Variants in DHTKD1 observed in about 807,000 individuals in gnomAD.
The protein encoded by DHTKD1 is dehydrogenase E1 and transketolase domain containing 1.
DHTKD1 carries 78 observed loss-of-function variants against 101.8 expected under a neutral mutation model. The ratio of observed to expected loss-of-function variants is 0.77; its 90% CI spans 0.64 to 0.93. The LOEUF (loss-of-function observed/expected upper bound fraction) is 0.93, where lower values mean the gene tolerates loss of function less well. DHTKD1 is among the 40% of genes least tolerant of loss of function. The probability of loss-of-function intolerance (pLI) is 0.00; values close to 1 mark genes in which losing one functional copy is unlikely to be tolerated. For missense variants in DHTKD1, 1,223 were observed against 1,161.7 expected (o/e 1.05, Z -0.77); for synonymous variants, 462 against 450.3 (o/e 1.03, Z -0.33).
intron 12 of DHTKD1, among the ~76,000 whole-genome samples, chr10:12,109,375 A>G (rs1227235552): frequency 6.6e-6 from 1 of 151,802 alleles, no homozygotes; most frequent in East Asian, 1.9e-4. Context: ...TAGATAAACT[A>G]AAGCATGACA....
chr10:12,094,396 C>T, intron 7 of DHTKD1, 125 bp downstream of exon 7: 2 of 798,368 alleles, frequency 2.5e-6, no homozygotes, highest in South Asian at 1.7e-5. Context: ...TGGCTCACTG[C>T]CATCTCCACC....
chr10:12,095,164 T>C (rs1450270537), intron 7 of DHTKD1, among the ~76,000 whole-genome samples: 1 of 152,170 alleles, frequency 6.6e-6, no homozygotes, highest in Non-Finnish European at 1.5e-5. Context: ...CAGAAGATTC[T>C]AATGAATGTT....
At chr10:12,070,203 G>A (rs756958372) in intron 1 of DHTKD1, among the ~76,000 whole-genome samples, 3 of 152,090 alleles carry the variant, frequency 2.0e-5, no homozygotes, top group Non-Finnish European at 4.4e-5. Context: ...TCAGCTTTTG[G>A]AACTTCTGTT....
chr10:12,096,766 A>C (rs1280449605), intron 7 of DHTKD1, among the ~76,000 whole-genome samples: 4 of 152,212 alleles, frequency 2.6e-5, no homozygotes, highest in East Asian at 3.8e-4. Context: ...GTAGAGTGAC[A>C]TTTATTGTAA....
chr10:12,118,905 C>T lies in DHTKD1; in HGVS notation c.2559C>T (p.Tyr853=), dbSNP rs758290860. Residue 853 remains tyrosine (Y), a synonymous_variant, in exon 15 of 17, where the codon TAC becomes TAT. Coordinates refer to ENST00000263035, the MANE Select transcript of DHTKD1 (RefSeq NM_018706.7). ...LDSLQQEMSK[Y]KHVKDHIWSQ... ...CTTTACAGCAAGAGATGAGCAAATA[C>T]AAACATGTTAAAGGTAAGAGGTTGT... 1 of 1,578,570 alleles carries T rather than the reference C, an allele frequency of 6.3e-7. No individual in the cohort carries two copies. The highest frequency in any genetic ancestry group is 8.6e-7 in the Non-Finnish European group (1 of 1,163,296).
At position 12,087,560 on chromosome 10, in the gene DHTKD1, A is replaced by C. The variant is rs772636999; in HGVS notation, c.548A>C (p.Lys183Thr). The C allele has an allele frequency of 6.2e-7, 1 of 1,604,448 alleles. No individual in the cohort carries two copies. Among genetic ancestry groups the C allele is most frequent in the Non-Finnish European group, 8.5e-7 (1 of 1,175,524 alleles). Residue 183 changes from lysine to threonine, a missense_variant, in exon 4 of 17, where the codon AAG becomes ACG. Physicochemically the swap from Lys to Thr is moderately conservative, Grantham distance 78 (BLOSUM62 -1). Transcript: ENST00000263035. This position sits in a 1 kb window ranked among gnomAD's most constrained non-coding sequence, Gnocchi z 5.2. ...SQEFDHFLAT[K>T]FSTVKRYGGE... ...GAGTTTGACCACTTTCTGGCCACCA[A>C]GTTCTCGACAGTGAAGCGATATGGA...
Position 12,120,981 on chromosome 10 carries a change from A to C in DHTKD1, c.*93A>C. On this transcript the variant is annotated 3_prime_UTR_variant, in exon 17 of 17. Transcript: ENST00000263035. ...ATGCCTGTAATCCCAGCACTTTGGG[A>C]GGCCAAGGCTGGTGGATCACCTGAG... 1 of 1,156,800 alleles carries C rather than the reference A, an allele frequency of 8.6e-7. No individual in the cohort carries two copies. The highest frequency in any genetic ancestry group is 1.2e-6 in the Non-Finnish European group (1 of 806,450). 71.7% of individuals were successfully genotyped at this position (1,156,800 alleles called of 1,614,324 possible).
chr10:12,082,766 G>A (rs1249565437), intron 2 of DHTKD1, among the ~76,000 whole-genome samples: 1 of 152,098 alleles, frequency 6.6e-6, no homozygotes, highest in Non-Finnish European at 1.5e-5. Context: ...TAGTGGTGAT[G>A]CATCTTAACT....
intron 6 of DHTKD1, among the ~76,000 whole-genome samples, chr10:12,093,535 TCA>T (rs2131362159): frequency 6.6e-6 from 1 of 152,304 alleles, no homozygotes; most frequent in South Asian, 2.1e-4. Context: ...ATTCCCAGTT[TCA>T]CAGTTTACAA....
chr10:12,090,872 A>G (rs1270228777), intron 5 of DHTKD1, among the ~76,000 whole-genome samples: 1 of 152,112 alleles, frequency 6.6e-6, no homozygotes, highest in Non-Finnish European at 1.5e-5. Flanking sequence ...ACTCTATTTT[A>G]ATCCTTCATT....
chr10:12,101,990 C>G (rs1310388698), intron 10 of DHTKD1, among the ~76,000 whole-genome samples: 1 of 152,182 alleles, frequency 6.6e-6, no homozygotes, highest in Admixed American at 6.6e-5. Flanking sequence ...TTATTTATCT[C>G]AAACAATTAT....
Position 12,103,992 on chromosome 10 carries a change from C to G in DHTKD1, c.1897-2254C>G, listed in dbSNP as rs1250107944. ...TAGAAAGCAAGCCCATGCCCGTTAG[C>G]AGTCACTGCCCATTCCTTCCTCCCT... is the stretch of plus-strand genomic sequence containing the variant. On this transcript the variant is annotated intron_variant, in intron 10 of 16. Transcript: ENST00000263035. The surrounding 1 kb of genome is among the most constrained non-coding windows in gnomAD (Gnocchi z 4.8). Among the ~76,000 whole-genome samples, 1 of 152,142 alleles carries G rather than the reference C, an allele frequency of 6.6e-6. No homozygotes were observed. Among genetic ancestry groups the G allele is most frequent in the Non-Finnish European group, 1.5e-5 (1 of 68,022 alleles).
At chr10:12,096,586 G>T (rs928579708) in intron 7 of DHTKD1, among the ~76,000 whole-genome samples, 1 of 152,126 alleles carries the variant, frequency 6.6e-6, no homozygotes, top group South Asian at 2.1e-4. Flanking sequence ...AGCTGGTCTC[G>T]CCATCTGCCC....
chr10:12,084,809 G>C (rs1046628771), intron 3 of DHTKD1, 58 bp downstream of exon 3: 9 of 1,510,042 alleles, frequency 6.0e-6, no homozygotes, highest in Non-Finnish European at 8.2e-6. Context: ...CCAGCACTTT[G>C]GGAGGCCGAG....
intron 7 of DHTKD1, among the ~76,000 whole-genome samples, chr10:12,096,733 A>G (rs1833076408): frequency 6.6e-6 from 1 of 152,222 alleles, no homozygotes; most frequent in Non-Finnish European, 1.5e-5. Context: ...AATAGACTTT[A>G]TAGTTGAAAG....
intron 10 of DHTKD1, among the ~76,000 whole-genome samples, chr10:12,101,619 T>C (rs1475469906): frequency 6.6e-6 from 1 of 152,208 alleles, no homozygotes; most frequent in East Asian, 1.9e-4. Flanking sequence ...TTCTTTTTTT[T>C]CGGAGACTTA....
rs539793101 is a variant in DHTKD1, at chr10:12,120,339, C to CTTTT, written c.2658+81_2658+84dup. On this transcript the variant is annotated intron_variant, in intron 16 of 16. Transcript: ENST00000263035. ...TTGTTTTTCTTTTCTTTCTTTCTTT[C>CTTTT]TTTTTTTTTTTTGAGACAGAGTCTC... 95 of 1,065,674 alleles carry CTTTT rather than the reference C, an allele frequency of 8.9e-5. No individual in the cohort carries two copies. In the African/African-American group the frequency reaches 1.1e-3, roughly 12 times the overall value. The allele number at this position is 1,065,674 out of a possible 1,614,324, so 66.0% of individuals were successfully genotyped here. A position where few individuals can be genotyped will look rare whatever the true frequency, so the allele number is the denominator to read the frequency against.
Position 12,089,235 on chromosome 10 carries a change from G to A in DHTKD1, c.967G>A (p.Asp323Asn), listed in dbSNP as rs529235889. The A allele has an allele frequency of 1.2e-5, 19 of 1,613,958 alleles. No individual in the cohort carries two copies. Among genetic ancestry groups the A allele is most frequent in the African/African-American group, 2.7e-5 (2 of 74,946 alleles). ...YSPDNSAQPGDRVICLQVHGD... is the reference protein window; with the variant it reads ...YSPDNSAQPGNRVICLQVHGD... ...TCCAGACAACTCAGCCCAGCCGGGG[G>A]ACAGGGTCATTTGCTTACAGGTACT... is the stretch of plus-strand genomic sequence containing the variant. Residue 323 changes from aspartate (D) to asparagine (N), a missense_variant, in exon 5 of 17, where the codon GAC (aspartate) becomes AAC (asparagine). By Grantham distance (23) the Asp-to-Asn change is conservative. Coordinates refer to ENST00000263035, the MANE Select transcript of DHTKD1 (RefSeq NM_018706.7).
intron 12 of DHTKD1, among the ~76,000 whole-genome samples, 153 bp downstream of exon 12, chr10:12,108,168 G>T (rs914843367): frequency 1.3e-5 from 2 of 152,176 alleles, no homozygotes; most frequent in African/African-American, 4.8e-5. Context: ...CTTTGGAAAC[G>T]TAATGCCTCA....
Sources: gnomAD v4.1 joint callset for allele counts (sites outside exome capture counted in the v4.1 genomes callset) on GRCh38, gnomAD v4.1.1 for gene constraint, Gnocchi (gnomAD v3.1) non-coding constraint, MANE v1.5 for transcripts, NCBI Gene and HGNC (gene_info 2026-07-23, HGNC 2026-07-21) for gene names.